Variants in PLA2G12B observed in about 807,000 individuals in gnomAD.
PLA2G12B encodes the protein group XIIB secretory phospholipase A2-like protein.
Under a neutral mutation model 22.3 loss-of-function variants are expected in PLA2G12B, and 19 were observed. The observed-to-expected ratio is 0.85, with a 90% confidence interval of 0.60 to 1.25. The LOEUF (loss-of-function observed/expected upper bound fraction) is 1.25. Ranked by LOEUF, PLA2G12B falls within the 50% of genes most tolerant of loss-of-function variation. The pLI is 0.00. For missense variants in PLA2G12B, 191 were observed against 246.6 expected, an observed-to-expected ratio of 0.77 and a Z score of 1.51; for synonymous variants, 81 against 94.9, an observed-to-expected ratio of 0.85 and a Z score of 0.85.
intron 1 of PLA2G12B, among the ~76,000 whole-genome samples, chr10:72,950,042 A>T (rs986288721): frequency 3.8e-4 from 58 of 152,098 alleles, no homozygotes; most frequent in African/African-American, 1.4e-3. Context: ...TCCCAGAAAC[A>T]CTCAGATGCA....
At chr10:72,938,200 A>T (rs1257625849) in intron 3 of PLA2G12B, among the ~76,000 whole-genome samples, 1 of 152,100 alleles carries the variant, frequency 6.6e-6, no homozygotes, top group East Asian at 1.9e-4. Flanking sequence ...AACTCCCACA[A>T]CCTAATAAAG....
In PLA2G12B at chr10:72,954,622, C is replaced by T. The variant is rs201001050; in HGVS notation, c.64G>A (p.Asp22Asn). 28 of 1,614,002 alleles carry T rather than the reference C, an allele frequency of 1.7e-5. No homozygotes were observed. Among genetic ancestry groups the T allele is most frequent in the South Asian group, 2.2e-5 (2 of 91,088 alleles). Residue 22 changes from aspartate to asparagine, a missense_variant, in exon 1 of 4, where the codon GAC becomes AAC. By Grantham distance (23) the Asp-to-Asn change is conservative. Coordinates refer to ENST00000373032, the MANE Select transcript of PLA2G12B (RefSeq NM_032562.5). ...LSLGGGLAQS[D>N]TSPDTEESYS... ...GACTCCTCCGTGTCAGGGCTCGTGT[C>T]GCTCTGAGCCAGGCCACCCCCAAGG...
At chr10:72,953,940 G>A (rs193181990) in intron 1 of PLA2G12B, among the ~76,000 whole-genome samples, 9 of 152,256 alleles carry the variant, frequency 5.9e-5, no homozygotes, top group Non-Finnish European at 1.0e-4. Flanking sequence ...GGGACTGAGA[G>A]CTGGGAGGAC....
intron 3 of PLA2G12B, among the ~76,000 whole-genome samples, chr10:72,937,980 G>T: frequency 6.6e-6 from 1 of 151,976 alleles, no homozygotes; most frequent in East Asian, 1.9e-4. Context: ...TGGGCATGGT[G>T]GTGGGCACCT....
At chr10:72,939,703 C>T (rs1025626036) in intron 3 of PLA2G12B, among the ~76,000 whole-genome samples, 4 of 152,178 alleles carry the variant, frequency 2.6e-5, no homozygotes, top group South Asian at 2.1e-4. Flanking sequence ...GTAGAATCTA[C>T]GAAGGGACAG....
chr10:72,937,618 T>C (rs1846298303), intron 3 of PLA2G12B, among the ~76,000 whole-genome samples: 1 of 152,180 alleles, frequency 6.6e-6, no homozygotes. Context: ...GTATCTCTTA[T>C]GAATATGGAT....
At chr10:72,952,889 T>C (rs1846554590) in intron 1 of PLA2G12B, among the ~76,000 whole-genome samples, 1 of 152,248 alleles carries the variant, frequency 6.6e-6, no homozygotes, top group Non-Finnish European at 1.5e-5. Context: ...CTTTTAATGC[T>C]GTTTTGCTAG....
At chr10:72,951,354 C>G (rs1458046036) in intron 1 of PLA2G12B, among the ~76,000 whole-genome samples, 3 of 151,982 alleles carry the variant, frequency 2.0e-5, no homozygotes, top group Admixed American at 6.6e-5. Context: ...CAAGGTCTCA[C>G]CACAGACCTA....
At chr10:72,952,727 G>GT (rs1338766895) in intron 1 of PLA2G12B, among the ~76,000 whole-genome samples, 1 of 152,164 alleles carries the variant, frequency 6.6e-6, no homozygotes, top group East Asian at 1.9e-4. Flanking sequence ...TTTTCTAAGT[G>GT]TTTTTCAGGC....
intron 3 of PLA2G12B, among the ~76,000 whole-genome samples, chr10:72,938,421 A>C (rs1846311936): frequency 6.6e-6 from 1 of 152,164 alleles, no homozygotes; most frequent in Admixed American, 6.5e-5. Flanking sequence ...GCATTATCTT[A>C]TATACAAAAA....
At chr10:72,937,917 C>T (rs1343144311) in intron 3 of PLA2G12B, among the ~76,000 whole-genome samples, 2 of 151,920 alleles carry the variant, frequency 1.3e-5, no homozygotes, top group South Asian at 4.1e-4. Flanking sequence ...GAGTTCCAGA[C>T]CAGCCTGACA....
At chr10:72,940,619 C>A (rs1037965619) in intron 3 of PLA2G12B, among the ~76,000 whole-genome samples, 1 of 152,038 alleles carries the variant, frequency 6.6e-6, no homozygotes, top group Admixed American at 6.6e-5. Context: ...TTGTAGTGAG[C>A]TGAGATCCCA....
intron 2 of PLA2G12B, 140 bp downstream of exon 2, chr10:72,942,512 C>A (rs550451561): frequency 6.8e-6 from 4 of 584,720 alleles, no homozygotes; most frequent in Middle Eastern, 4.8e-4. Flanking sequence ...TTTAAAAATT[C>A]TCTCCCTCAT....
chr10:72,936,021 G>A (rs1470823849), intron 3 of PLA2G12B, among the ~76,000 whole-genome samples: 1 of 152,090 alleles, frequency 6.6e-6, no homozygotes, highest in Non-Finnish European at 1.5e-5. Flanking sequence ...AATATTTTTT[G>A]CAGAAGACTC....
intron 1 of PLA2G12B, among the ~76,000 whole-genome samples, chr10:72,949,278 T>C (rs1311285235): frequency 6.6e-6 from 1 of 152,226 alleles, no homozygotes; most frequent in Non-Finnish European, 1.5e-5. Flanking sequence ...CAATAGTTCC[T>C]ATCACTCTTC....
intron 1 of PLA2G12B, among the ~76,000 whole-genome samples, chr10:72,945,928 G>A (rs1402750723): frequency 2.0e-5 from 3 of 152,150 alleles, no homozygotes; most frequent in Non-Finnish European, 2.9e-5. Context: ...GATTACAGGC[G>A]TGAGCCACCT....
chr10:72,935,459 G>A lies in PLA2G12B; in HGVS notation c.*158C>T, dbSNP rs1846265341. ...TTTTTTCAAATTTCCTCAAAGGATA[G>A]GACTCACTTTCCAGCTGTAGAAAAA... On this transcript the variant is annotated 3_prime_UTR_variant, in exon 4 of 4. Coordinates refer to ENST00000373032, the MANE Select transcript of PLA2G12B (RefSeq NM_032562.5). 1 of 1,093,810 alleles carries A rather than the reference G, an allele frequency of 9.1e-7. No individual in the cohort carries two copies. Among genetic ancestry groups the A allele is most frequent in the African/African-American group, 1.6e-5 (1 of 62,904 alleles). The allele number at this position is 1,093,810 out of a possible 1,614,324, so 67.8% of individuals were successfully genotyped here.
intron 1 of PLA2G12B, 151 bp downstream of exon 1, chr10:72,954,324 C>T (rs1846581298): frequency 1.1e-6 from 1 of 877,412 alleles, no homozygotes; most frequent in Non-Finnish European, 1.8e-6. Context: ...TTGGATTTCA[C>T]ATTTCACTGG....
At position 72,942,859 on chromosome 10, in the gene PLA2G12B, G is replaced by A. The variant is rs1360560278; in HGVS notation, c.212-119C>T. 7 of 790,042 alleles carry A rather than the reference G, an allele frequency of 8.9e-6. No individual in the cohort carries two copies. In the Admixed American group the frequency reaches 1.8e-4, roughly 20 times the overall value. 48.9% of individuals were successfully genotyped at this position (790,042 alleles called of 1,614,324 possible). A position where few individuals can be genotyped will look rare whatever the true frequency, so the allele number is the denominator to read the frequency against. On this transcript the variant is annotated intron_variant, in intron 1 of 3. Coordinates refer to ENST00000373032, the MANE Select transcript of PLA2G12B (RefSeq NM_032562.5). Reference sequence around the variant, plus strand: ...TTTCACTTTTTCTTTAAAAGTCACTGTTCCTCACATCCAAATCAGGTGATG... The same window carrying A: ...TTTCACTTTTTCTTTAAAAGTCACTATTCCTCACATCCAAATCAGGTGATG...
Sources: allele counts gnomAD v4.1 joint callset (sites outside exome capture counted in the v4.1 genomes callset), GRCh38; gene constraint gnomAD v4.1.1; transcripts MANE v1.5; gene names NCBI Gene and HGNC (gene_info 2026-07-23, HGNC 2026-07-21).